Variants in ENPP3 observed in about 807,000 individuals in gnomAD.
ENPP3 encodes the protein ectonucleotide pyrophosphatase/phosphodiesterase 3, also known as ectonucleotide pyrophosphatase/phosphodiesterase family member 3.
Under a neutral mutation model 117.8 loss-of-function variants are expected in ENPP3, and 104 were observed. That is an observed-to-expected ratio of 0.88 (90% CI 0.75 to 1.04). ENPP3 has a LOEUF of 1.04. Ranked by LOEUF, ENPP3 falls within the 50% of genes least tolerant of loss-of-function variation. ENPP3 has a pLI of 0.00. For missense variants in ENPP3, 1,026 were observed against 1,051.9 expected (o/e 0.98, Z 0.34); for synonymous variants, 380 against 349.9 (o/e 1.09, Z -0.96).
rs376994452 is a variant in ENPP3 at position 131,733,630 on chromosome 6, C to A, written c.1996C>A (p.Arg666=). 3 of 1,613,938 alleles carry A rather than the reference C, an allele frequency of 1.9e-6. No individual in the cohort carries two copies. Among genetic ancestry groups the A allele is most frequent in the African/African-American group, 2.7e-5 (2 of 74,922 alleles). Residue 666 remains arginine, a synonymous_variant, in exon 21 of 25, where the codon CGG becomes AGG. Coordinates refer to ENST00000357639, the MANE Select transcript of ENPP3 (RefSeq NM_005021.5). ...PLPPTVPDCL[R]ADVRVPPSES... ...GCCTCCCACTGTCCCAGACTGTCTG[C>A]GGGCTGATGTCAGGGTTCCTCCTTC...
intron 20 of ENPP3, 89 bp from the exon 21 acceptor site, chr6:131,733,499 A>G: frequency 1.4e-6 from 2 of 1,407,332 alleles, no homozygotes; most frequent in Non-Finnish European, 1.9e-6. Context: ...AGCTTAAATG[A>G]AAAACATTCT....
chr6:131,671,499 C>A (rs1351020893), intron 7 of ENPP3, among the ~76,000 whole-genome samples, 172 bp downstream of exon 7: 1 of 152,154 alleles, frequency 6.6e-6, no homozygotes, highest in African/African-American at 2.4e-5. Context: ...TGAGGCCAGT[C>A]CAGGGCTGTG....
chr6:131,699,130 TAGG>T (rs1157871732), intron 15 of ENPP3, among the ~76,000 whole-genome samples: 1 of 143,174 alleles, frequency 7.0e-6, no homozygotes, highest in Non-Finnish European at 1.5e-5. Flanking sequence ...CCCAGCTACT[TAGG>T]AGGCTGAGGC....
chr6:131,710,169 A>G, intron 15 of ENPP3: 1 of 1,613,440 alleles, frequency 6.2e-7, no homozygotes, highest in Non-Finnish European at 8.5e-7. Context: ...TGTCTTCTTC[A>G]AGCACAGCAG....
intron 11 of ENPP3, among the ~76,000 whole-genome samples, chr6:131,680,809 T>C (rs1392424923): frequency 2.0e-5 from 3 of 152,154 alleles, no homozygotes; most frequent in African/African-American, 4.8e-5. Flanking sequence ...TTTCTTTCCT[T>C]TGGTTGGGTG....
At chr6:131,716,065 A>G (rs192204745) in intron 15 of ENPP3, among the ~76,000 whole-genome samples, 59 of 152,340 alleles carry the variant, frequency 3.9e-4, no homozygotes, top group Non-Finnish European at 6.3e-4. Flanking sequence ...GAGAAGTCTT[A>G]TTCATCTCCC....
At chr6:131,671,098 T>TAG in intron 6 of ENPP3, 150 bp from the exon 7 acceptor site, 1 of 600,996 alleles carries the variant, frequency 1.7e-6, no homozygotes, top group Non-Finnish European at 3.0e-6. Context: ...GGAGGAAGCT[T>TAG]AGAGACCAGA....
chr6:131,646,744 CTTT>C (rs60833768), intron 2 of ENPP3, among the ~76,000 whole-genome samples: 1,539 of 128,898 alleles, frequency 0.012, 28 homozygotes, highest in African/African-American at 0.039. Context: ...AAGCTCTTGG[CTTT>C]TTTTTTTTTT....
chr6:131,730,797 C>T (rs866062258), intron 20 of ENPP3, among the ~76,000 whole-genome samples: 1 of 152,000 alleles, frequency 6.6e-6, no homozygotes. Flanking sequence ...TGCCTGTAAT[C>T]CCAGCTACTT....
chr6:131,721,288 C>T (rs554125218), intron 17 of ENPP3, among the ~76,000 whole-genome samples: 122 of 152,326 alleles, frequency 8.0e-4, no homozygotes, highest in Non-Finnish European at 1.6e-3. Context: ...ACAACTCTCT[C>T]TCTTAATGTT....
In ENPP3 at chr6:131,722,360, AT is replaced by A. The variant is rs1562473704; in HGVS notation, c.1703del (p.Leu568CysfsTer22). ...KFSVCGFANP[L>X]PTESLDCFCP... ...TTTCTGTTTGTGGCTTTGCTAATCC[AT>A]TGCCCACAGAGTCTCTTGACTGTTT... On this transcript the variant is annotated frameshift_variant, in exon 18 of 25. Transcript: ENST00000357639. LOFTEE classifies it high-confidence loss of function. 1 of 1,614,074 alleles carries A rather than the reference AT, an allele frequency of 6.2e-7. No homozygotes were observed. Among genetic ancestry groups the A allele is most frequent in the South Asian group, 1.1e-5 (1 of 91,072 alleles).
chr6:131,694,004 T>G (rs1302555527), intron 15 of ENPP3, among the ~76,000 whole-genome samples: 1 of 152,216 alleles, frequency 6.6e-6, no homozygotes, highest in Non-Finnish European at 1.5e-5. Context: ...ATCTTTGTGG[T>G]TTTTATAAAA....
intron 5 of ENPP3, among the ~76,000 whole-genome samples, chr6:131,656,444 G>T (rs1463477432): frequency 6.6e-6 from 1 of 152,190 alleles, no homozygotes; most frequent in Non-Finnish European, 1.5e-5. Context: ...TGTTGGGAAA[G>T]AATTGTGGCA....
In ENPP3 at chr6:131,733,650, T is replaced by C; in HGVS notation, c.2016T>C (p.Pro672=). ...GTCTGCGGGCTGATGTCAGGGTTCC[T>C]CCTTCTGAGAGCCAAAAATGTTCCT... The part of the protein sequence containing the change: ...PDCLRADVRV[P]PSESQKCSFY... Residue 672 remains proline (P), a synonymous_variant, in exon 21 of 25, where the codon CCT becomes CCC. Coordinates refer to ENST00000357639, the MANE Select transcript of ENPP3 (RefSeq NM_005021.5). The C allele has an allele frequency of 6.2e-7, 1 of 1,614,172 alleles. No homozygotes were observed. Among genetic ancestry groups the C allele is most frequent in the Non-Finnish European group, 8.5e-7 (1 of 1,180,006 alleles).
chr6:131,680,175 T>G (rs952511567), intron 11 of ENPP3, among the ~76,000 whole-genome samples: 4 of 152,070 alleles, frequency 2.6e-5, no homozygotes, highest in Non-Finnish European at 2.9e-5. Flanking sequence ...AGAAAAGAGA[T>G]AACAGTGATT....
At chr6:131,684,179 G>C (rs1779097003) in intron 12 of ENPP3, among the ~76,000 whole-genome samples, 1 of 152,206 alleles carries the variant, frequency 6.6e-6, no homozygotes, top group Non-Finnish European at 1.5e-5. Flanking sequence ...CCCAATATCT[G>C]TGAAGAGACC....
At chr6:131,642,086 C>T (rs181472382) in intron 2 of ENPP3, among the ~76,000 whole-genome samples, 24 of 152,082 alleles carry the variant, frequency 1.6e-4, no homozygotes, top group Admixed American at 9.2e-4. Flanking sequence ...TGAGTTGCCG[C>T]GCCTGGCCCT....
intron 19 of ENPP3, among the ~76,000 whole-genome samples, chr6:131,724,752 C>G (rs751131077): frequency 3.9e-5 from 6 of 152,076 alleles, no homozygotes; most frequent in Admixed American, 3.3e-4. Flanking sequence ...AAGTGTTATT[C>G]CATGGCATGA....
At chr6:131,654,183 T>C (rs1367227166) in intron 5 of ENPP3, among the ~76,000 whole-genome samples, 1 of 151,428 alleles carries the variant, frequency 6.6e-6, no homozygotes, top group Non-Finnish European at 1.5e-5. Context: ...CAGGCTGGAG[T>C]GCAGCAGTGG....
Sources: gnomAD v4.1 joint callset for allele counts (sites outside exome capture counted in the v4.1 genomes callset) on GRCh38, gnomAD v4.1.1 for gene constraint, MANE v1.5 for transcripts, NCBI Gene and HGNC (gene_info 2026-07-23, HGNC 2026-07-21) for gene names.